The following HOOK2 variants were observed in gnomAD, a reference collection of about 807,000 sequenced individuals.
HOOK2 encodes the protein protein Hook homolog 2.
HOOK2 carries 108 observed loss-of-function variants against 111.9 expected under a neutral mutation model. That is an observed-to-expected ratio of 0.96 (90% CI 0.83 to 1.13). The LOEUF (loss-of-function observed/expected upper bound fraction) is 1.13. HOOK2 is among the 50% of genes most tolerant of loss of function. HOOK2 has a pLI of 0.00. For synonymous variants in HOOK2, 405 were observed against 394.3 expected, an observed-to-expected ratio of 1.03 and a Z score of -0.32; for missense variants, 978 against 951.3, an observed-to-expected ratio of 1.03 and a Z score of -0.37.
intron 13 of HOOK2, 41 bp from the exon 14 acceptor site, chr19:12,767,505 CCT>C (rs777216895): frequency 1.3e-6 from 2 of 1,493,262 alleles, no homozygotes; most frequent in African/African-American, 2.8e-5. Context: ...CTTCGCATCC[CCT>C]GTCCCCGCCC....
intron 13 of HOOK2, 106 bp from the exon 14 acceptor site, chr19:12,767,570 G>T: frequency 9.4e-7 from 1 of 1,061,922 alleles, no homozygotes; most frequent in East Asian, 2.5e-5. Flanking sequence ...TCAGCCAACA[G>T]TCTGGCTTGA....
At chr19:12,769,854 C>G (rs1968263369) in intron 11 of HOOK2, 27 bp downstream of exon 11, 3 of 1,391,180 alleles carry the variant, frequency 2.2e-6, no homozygotes, top group Non-Finnish European at 2.8e-6. Context: ...GGGCGGGGCC[C>G]CGGCCCTAAC....
Position 12,770,030 on chromosome 19 carries a change from G to A in HOOK2, c.955C>T (p.Arg319Cys), listed in dbSNP as rs1010036324. 1.9e-6 allele frequency: 3 copies of A among 1,540,140 alleles called. No homozygotes were observed. The highest frequency in any genetic ancestry group is 2.4e-5 in the South Asian group (2 of 83,606). ...AGCTCCCTCAGCTCGCCCAAGCGGC[G>A]CCGGCAACTGGTCAGCGTGGCCTCC... is the stretch of plus-strand genomic sequence containing the variant. ...QLEATLTSCR[R>C]RLGELRELRR... Residue 319 changes from arginine to cysteine, a missense_variant, in exon 11 of 23, where the codon CGC (arginine) becomes TGC (cysteine). Physicochemically the swap from Arg to Cys is radical, Grantham distance 180. Around this residue, in one of 5 missense-constraint regions of HOOK2, gnomAD observed 388 missense variants for 358.3 expected, o/e 1.08. Transcript: ENST00000397668.
intron 3 of HOOK2, among the ~76,000 whole-genome samples, chr19:12,783,828 G>A (rs1242583905): frequency 6.6e-6 from 1 of 152,194 alleles, no homozygotes; most frequent in Non-Finnish European, 1.5e-5. Context: ...CCCAGCAGAA[G>A]CGAGTCCTTG....
rs1968386462 is a variant in HOOK2, at chr19:12,773,156, T to C, written c.205-112A>G. 1.8e-5 allele frequency: 19 copies of C among 1,043,054 alleles called. No individual in the cohort carries two copies. The South Asian group carries it at 2.2e-4, about 12-fold the overall frequency. The allele number at this position is 1,043,054 out of a possible 1,614,324, so 64.6% of individuals were successfully genotyped here. ...CTTCCCTGCTCATCTCATCCTATTC[T>C]GTCTGCGTGCGCCTTCCTCTAGGGG... On this transcript the variant is annotated intron_variant, in intron 3 of 22. Coordinates refer to ENST00000397668, the MANE Select transcript of HOOK2 (RefSeq NM_013312.3).
intron 1 of HOOK2, 72 bp downstream of exon 1, chr19:12,775,333 C>G: frequency 3.2e-6 from 5 of 1,571,602 alleles, no homozygotes; most frequent in Non-Finnish European, 4.3e-6. Flanking sequence ...AGAGACTGAC[C>G]GAACCAGGGC....
intron 14 of HOOK2, 40 bp from the exon 15 acceptor site, chr19:12,766,280 C>T: frequency 6.7e-7 from 1 of 1,498,912 alleles, no homozygotes. Flanking sequence ...AGGGTCGAGT[C>T]ACCTCGCAGG....
At chr19:12,775,330 G>C (rs898309517) in intron 1 of HOOK2, 75 bp downstream of exon 1, 2 of 1,568,098 alleles carry the variant, frequency 1.3e-6, no homozygotes, top group African/African-American at 2.7e-5. Flanking sequence ...CCAAGAGACT[G>C]ACCGAACCAG....
At chr19:12,773,226 TG>T in intron 3 of HOOK2, 182 bp from the exon 4 acceptor site, 6 of 515,880 alleles carry the variant, frequency 1.2e-5, no homozygotes, top group South Asian at 4.8e-5. Context: ...TGACCATCTT[TG>T]TTTCTTTTTT....
At chr19:12,775,208 C>T (rs777622642) in intron 1 of HOOK2, 197 bp downstream of exon 1, 2 of 985,340 alleles carry the variant, frequency 2.0e-6, no homozygotes, top group Non-Finnish European at 2.4e-6. Flanking sequence ...CACAGAGGGG[C>T]GGGGCCTCAC....
At chr19:12,782,609 A>G (rs1466222508), upstream of HOOK2, among the ~76,000 whole-genome samples, 1 of 151,948 alleles carries the variant, frequency 6.6e-6, no homozygotes, top group Non-Finnish European at 1.5e-5. Context: ...CGTGCGTGCA[A>G]GCGCGGGGGG....
In HOOK2 at chr19:12,775,475, C is replaced by A; in HGVS notation, c.-26G>T. 6.2e-7 allele frequency: 1 copy of A among 1,601,258 alleles called. No homozygotes were observed. The highest frequency in any genetic ancestry group is 1.1e-5 in the South Asian group (1 of 89,612). Reference sequence around the variant, plus strand: ...GGCTCCCGATCGGATTCAATCCAGGCCACGGAGCCCCGGCGCCGCAGCAGC... The same window carrying A: ...GGCTCCCGATCGGATTCAATCCAGGACACGGAGCCCCGGCGCCGCAGCAGC... On this transcript the variant is annotated 5_prime_UTR_variant, in exon 1 of 23. Transcript: ENST00000397668.
At chr19:12,769,045 A>C (rs1355682272) in intron 11 of HOOK2, among the ~76,000 whole-genome samples, 1 of 146,478 alleles carries the variant, frequency 6.8e-6, no homozygotes, top group Non-Finnish European at 1.5e-5. Context: ...GGCTCACTGC[A>C]AGCTCCGCCT....
Position 12,763,403 on chromosome 19 carries a change from T to C in HOOK2, c.2039A>G (p.Glu680Gly), listed in dbSNP as rs1443116362. The C allele has an allele frequency of 6.2e-7, 1 of 1,613,990 alleles. No homozygotes were observed. Among genetic ancestry groups the C allele is most frequent in the East Asian group, 2.2e-5 (1 of 44,888 alleles). Residue 680 changes from glutamate to glycine, a missense_variant, in exon 23 of 23, where the codon GAG (glutamate) becomes GGG (glycine). This residue lies in a region of HOOK2 where 277 missense variants were observed against 265.8 expected (regional missense o/e 1.04). Transcript: ENST00000397668. ...MGMALQQRAGEERAPAHAQSF... is the reference protein window; with the variant it reads ...MGMALQQRAGGERAPAHAQSF... The stretch of plus-strand genomic sequence containing the variant: ...CTGGGCATGGGCAGGCGCCCGCTCC[T>C]CCCCAGCTCGCTGCTGCAAGGCCAT...
chr19:12,778,908 C>T (rs1568377785), upstream of HOOK2, among the ~76,000 whole-genome samples: 1 of 152,114 alleles, frequency 6.6e-6, no homozygotes, highest in Non-Finnish European at 1.5e-5. Context: ...TCTATGTCGG[C>T]GGGGAAGACA....
In HOOK2 at chr19:12,767,961, G is replaced by A. The variant is rs1418139196; in HGVS notation, c.1215+52C>T. 20 of 1,610,056 alleles carry A rather than the reference G, an allele frequency of 1.2e-5. 1 individual carries two copies. In the South Asian group the frequency reaches 2.0e-4, roughly 16 times the overall value. ...TCAGGCTCGGCCTCCTGGGAAATGG[G>A]CTACCCCAGAATTGGCAGGGTGGGG... On this transcript the variant is annotated intron_variant, in intron 12 of 22. Transcript: ENST00000397668.
chr19:12,778,872 C>T (rs1968568235), upstream of HOOK2, among the ~76,000 whole-genome samples: 2 of 152,038 alleles, frequency 1.3e-5, no homozygotes, highest in Admixed American at 1.3e-4. Flanking sequence ...GCAGGGAGTC[C>T]CACATTTGGG....
intron 3 of HOOK2, among the ~76,000 whole-genome samples, chr19:12,784,135 A>G (rs1183154057): frequency 2.0e-5 from 3 of 152,154 alleles, no homozygotes; most frequent in Admixed American, 6.5e-5. Context: ...CTGGCTGGAC[A>G]GACGGAGGAG....
chr19:12,777,161 AATAAAT>A (rs1397431724), upstream of HOOK2, among the ~76,000 whole-genome samples: 1 of 134,198 alleles, frequency 7.5e-6, no homozygotes, highest in East Asian at 2.2e-4. Context: ...TCTCAAAAAA[AATAAAT>A]AAAATAAAAT....
Sources: allele counts gnomAD v4.1 joint callset (sites outside exome capture counted in the v4.1 genomes callset), GRCh38; gene constraint gnomAD v4.1.1; regional missense constraint gnomAD v4.1.1; transcripts MANE v1.5; gene names NCBI Gene and HGNC (gene_info 2026-07-23, HGNC 2026-07-21).